OLFM2: variants seen among roughly 807,000 people sequenced by gnomAD.
The protein encoded by OLFM2 is noelin-2.
In OLFM2, 20 loss-of-function variants were observed where a neutral mutation model predicts 43.9. That is an observed-to-expected ratio of 0.46 (90% CI 0.32 to 0.66). OLFM2 has a LOEUF of 0.66. Among genes scored for constraint, OLFM2 ranks in the 30% least tolerant of loss-of-function variants. OLFM2 has a pLI of 0.04. For synonymous variants in OLFM2, 268 were observed against 278.6 expected (o/e 0.96, Z 0.38); for missense variants, 416 against 643.6 (o/e 0.65, Z 3.83).
chr19:9,904,180 G>GTGTGTA (rs2046764884), intron 1 of OLFM2, among the ~76,000 whole-genome samples: 2 of 150,880 alleles, frequency 1.3e-5, no homozygotes, highest in African/African-American at 4.9e-5. Flanking sequence ...GTGTGTGTGT[G>GTGTGTA]TGTGTGTGTG....
intron 1 of OLFM2, among the ~76,000 whole-genome samples, chr19:9,930,248 G>T (rs113798864): frequency 0.019 from 2,911 of 152,254 alleles, 98 homozygotes; most frequent in African/African-American, 0.066. Flanking sequence ...TTATGCAAGT[G>T]CAGAGGGGGA....
At chr19:9,930,536 A>G (rs906312518) in intron 1 of OLFM2, among the ~76,000 whole-genome samples, 1 of 152,030 alleles carries the variant, frequency 6.6e-6, no homozygotes, top group African/African-American at 2.4e-5. Context: ...AGCATGGGTG[A>G]CAGAACAAGA....
At chr19:9,913,825 T>A in intron 1 of OLFM2, 1 of 327,656 alleles carries the variant, frequency 3.1e-6, no homozygotes, top group Non-Finnish European at 4.4e-6. Context: ...GGGCTCCTCT[T>A]ATAAAGCGCC....
chr19:9,878,659 A>G (rs747873167), intron 1 of OLFM2, among the ~76,000 whole-genome samples: 9 of 152,144 alleles, frequency 5.9e-5, no homozygotes, highest in Non-Finnish European at 1.2e-4. Context: ...GCCCTGGTTC[A>G]GAGAGAGTGC....
rs1043507409 is a variant in OLFM2 at position 9,906,156 on chromosome 19, C to A, written c.63+30148G>T. 2.0e-5 allele frequency among the ~76,000 whole-genome samples: 3 copies of A among 152,158 alleles called. No homozygotes were observed. The East Asian group carries it at 5.8e-4, about 29-fold the overall frequency. Reference sequence around the variant, plus strand: ...TCCAACCTCTGCCACAGTCTACACGCCCATGGCCACCTTGCCCTTCCAGAT... The same window carrying A: ...TCCAACCTCTGCCACAGTCTACACGACCATGGCCACCTTGCCCTTCCAGAT... On this transcript the variant is annotated intron_variant, in intron 1 of 5. Transcript: ENST00000264833.
chr19:9,882,136 G>A (rs1265183498), intron 1 of OLFM2, among the ~76,000 whole-genome samples: 5 of 152,204 alleles, frequency 3.3e-5, no homozygotes, highest in Admixed American at 3.3e-4. Context: ...CTACTCGGGA[G>A]GCTGAGGAGG....
intron 1 of OLFM2, among the ~76,000 whole-genome samples, chr19:9,880,580 G>A (rs181755486): frequency 1.3e-5 from 2 of 152,180 alleles, no homozygotes; most frequent in Admixed American, 1.3e-4. Context: ...CTGAGCAAGA[G>A]AGCGAGACCC....
intron 1 of OLFM2, among the ~76,000 whole-genome samples, chr19:9,904,836 A>G (rs973075303): frequency 2.6e-5 from 4 of 152,166 alleles, no homozygotes; most frequent in African/African-American, 9.6e-5. Context: ...CCTGGGCCAC[A>G]TAGTGAGCTC....
At chr19:9,899,334 T>A (rs914877317) in intron 1 of OLFM2, among the ~76,000 whole-genome samples, 5 of 151,828 alleles carry the variant, frequency 3.3e-5, no homozygotes, top group African/African-American at 1.2e-4. Flanking sequence ...CAGTGTTCCC[T>A]GCCAACCTCT....
intron 1 of OLFM2, among the ~76,000 whole-genome samples, chr19:9,934,235 ACT>A (rs2145015916): frequency 6.6e-6 from 1 of 152,216 alleles, no homozygotes; most frequent in Admixed American, 6.5e-5. Flanking sequence ...GGGCGCCGAG[ACT>A]GTTTCACAAC....
In OLFM2 at chr19:9,854,184, G is replaced by A. The variant is rs1358621494; in HGVS notation, c.*2C>T. ...GGCAGCAGCCCGAGCCACAGCATTG[G>A]CTCAGGGGTCCCCAGAGGTGCTGAT... On this transcript the variant is annotated 3_prime_UTR_variant, in exon 6 of 6. Coordinates refer to ENST00000264833, the MANE Select transcript of OLFM2 (RefSeq NM_058164.4). The surrounding 1 kb of genome is among the most constrained non-coding windows in gnomAD (Gnocchi z 9.5). 2.5e-6 allele frequency: 4 copies of A among 1,613,912 alleles called. No homozygotes were observed. Among genetic ancestry groups the A allele is most frequent in the Middle Eastern group, 1.6e-4 (1 of 6,084 alleles).
chr19:9,900,034 G>A (rs575517551), intron 1 of OLFM2, among the ~76,000 whole-genome samples: 8 of 152,250 alleles, frequency 5.3e-5, no homozygotes, highest in Non-Finnish European at 1.0e-4. Flanking sequence ...TCTGTTGACC[G>A]AATTGACAAA....
intron 1 of OLFM2, among the ~76,000 whole-genome samples, chr19:9,864,971 C>T (rs185527054): frequency 6.6e-6 from 1 of 151,884 alleles, no homozygotes; most frequent in African/African-American, 2.4e-5. Context: ...TTCACCTCCT[C>T]TCTCACTTCA....
In OLFM2 at chr19:9,881,468, G is replaced by C. The variant is rs141573451; in HGVS notation, c.64-20674C>G. On this transcript the variant is annotated intron_variant, in intron 1 of 5. Transcript: ENST00000264833. ...CAGGCTGCCTTGACTGAGTATCCCAGGCTGGGCAGCATAAGCAACAAAAAT... is the reference window on the plus strand; with the variant it reads ...CAGGCTGCCTTGACTGAGTATCCCACGCTGGGCAGCATAAGCAACAAAAAT... Among the ~76,000 whole-genome samples, 1,293 of 152,220 alleles carry C rather than the reference G, an allele frequency of 8.5e-3. 12 individuals carry two copies. The highest frequency in any genetic ancestry group is 0.03 in the African/African-American group (1,241 of 41,522).
At chr19:9,864,787 C>CATT (rs575654522) in intron 1 of OLFM2, among the ~76,000 whole-genome samples, 4 of 97,600 alleles carry the variant, frequency 4.1e-5, no homozygotes, top group Non-Finnish European at 7.5e-5. Flanking sequence ...ACACACCCAG[C>CATT]TTTTTTTTTT....
chr19:9,936,370 G>A lies in OLFM2; in HGVS notation c.-4C>T. 2.0e-6 allele frequency: 3 copies of A among 1,490,724 alleles called. No homozygotes were observed. Among genetic ancestry groups the A allele is most frequent in the South Asian group, 1.2e-5 (1 of 80,088 alleles). The allele number at this position is 1,490,724 out of a possible 1,614,324, so 92.3% of individuals were successfully genotyped here. On this transcript the variant is annotated 5_prime_UTR_variant, in exon 1 of 6. Coordinates refer to ENST00000264833, the MANE Select transcript of OLFM2 (RefSeq NM_058164.4). ...GCGGGACCGTGAGCGGCCACATGACGCGCCCCTAGCCCGGCGTCCCGACCC... is the reference window on the plus strand; with the variant it reads ...GCGGGACCGTGAGCGGCCACATGACACGCCCCTAGCCCGGCGTCCCGACCC...
At chr19:9,935,358 T>C (rs1172978276) in intron 1 of OLFM2, among the ~76,000 whole-genome samples, 1 of 152,094 alleles carries the variant, frequency 6.6e-6, no homozygotes, top group African/African-American at 2.4e-5. Context: ...GGCTTTCCAA[T>C]AGCAAAAGAG....
intron 1 of OLFM2, among the ~76,000 whole-genome samples, chr19:9,915,939 G>A (rs922125102): frequency 1.2e-4 from 18 of 152,226 alleles, no homozygotes; most frequent in African/African-American, 4.3e-4. Flanking sequence ...AGTGTTTGAG[G>A]ACCAGGAAGG....
intron 2 of OLFM2, among the ~76,000 whole-genome samples, chr19:9,859,614 C>A (rs192504455): frequency 9.2e-5 from 14 of 152,290 alleles, no homozygotes; most frequent in African/African-American, 1.2e-4. Flanking sequence ...TTTCTCTTGA[C>A]CATGATCAGA....
Sources: gnomAD v4.1 joint callset for allele counts (sites outside exome capture counted in the v4.1 genomes callset) on GRCh38, gnomAD v4.1.1 for gene constraint, Gnocchi (gnomAD v3.1) non-coding constraint, MANE v1.5 for transcripts, NCBI Gene and HGNC (gene_info 2026-07-23, HGNC 2026-07-21) for gene names.